The following AP2A2 variants were observed in gnomAD, a reference collection of about 807,000 sequenced individuals.
AP2A2 encodes the protein adaptor related protein complex 2 subunit alpha 2, also known as AP-2 complex subunit alpha-2.
In AP2A2, 32 loss-of-function variants were observed where a neutral mutation model predicts 104.2. The ratio of observed to expected loss-of-function variants is 0.31; its 90% CI spans 0.23 to 0.41. The LOEUF (loss-of-function observed/expected upper bound fraction) is 0.41. Among genes scored for constraint, AP2A2 ranks in the 10% least tolerant of loss-of-function variants. The pLI is 1.00. For synonymous variants in AP2A2, 539 were observed against 533.3 expected (o/e 1.01, Z -0.15); for missense variants, 912 against 1,261.0 (o/e 0.72, Z 4.19).
intron 14 of AP2A2, among the ~76,000 whole-genome samples, chr11:994,765 G>A (rs1215388435): frequency 6.9e-6 from 1 of 144,864 alleles, no homozygotes; most frequent in African/African-American, 2.6e-5. Flanking sequence ...TGTCCCGGGG[G>A]CCACTGTCCC....
rs543887027 is a variant in AP2A2, at chr11:970,665, G to A, written c.279+354G>A. 2.6e-5 allele frequency among the ~76,000 whole-genome samples: 4 copies of A among 152,384 alleles called. 1 individual carries two copies. The highest frequency in any genetic ancestry group is 9.6e-5 in the African/African-American group (4 of 41,598). Reference sequence around the variant, plus strand: ...CCGGTTGGTCTGGAGAGTGCCGCACGCGGCCCAGCGTTTGATGTGGTTGGT... The same window carrying A: ...CCGGTTGGTCTGGAGAGTGCCGCACACGGCCCAGCGTTTGATGTGGTTGGT... On this transcript the variant is annotated intron_variant, in intron 3 of 21. Transcript: ENST00000448903.
chr11:964,387 C>T (rs1419564186), intron 2 of AP2A2, among the ~76,000 whole-genome samples: 1 of 152,172 alleles, frequency 6.6e-6, no homozygotes. Context: ...CTGCGGGGCA[C>T]CAGTCTGTAG....
At chr11:959,599 C>T (rs578071258) in intron 2 of AP2A2, 94 bp downstream of exon 2, 6 of 826,044 alleles carry the variant, frequency 7.3e-6, no homozygotes, top group African/African-American at 1.7e-5. Flanking sequence ...TTCTCCCACA[C>T]TAAAGTGAAG....
At chr11:988,431 G>C (rs961610848) in intron 9 of AP2A2, 121 bp from the exon 10 acceptor site, 15 of 1,288,286 alleles carry the variant, frequency 1.2e-5, no homozygotes, top group Non-Finnish European at 1.5e-5. Context: ...CCTGGACCTG[G>C]ATGTGCATGT....
chr11:934,122 A>C (rs1853376529), intron 1 of AP2A2, among the ~76,000 whole-genome samples: 1 of 151,856 alleles, frequency 6.6e-6, no homozygotes, highest in Non-Finnish European at 1.5e-5. Context: ...TGCCCCATGT[A>C]GCTCCCTCAG....
chr11:950,363 C>T (rs1279489153), intron 1 of AP2A2, among the ~76,000 whole-genome samples: 1 of 146,856 alleles, frequency 6.8e-6, no homozygotes, highest in African/African-American at 2.5e-5. Context: ...GGCTGGAGTG[C>T]AGTGGCGTGA....
intron 1 of AP2A2, among the ~76,000 whole-genome samples, chr11:945,452 G>A (rs1173355305): frequency 1.3e-5 from 2 of 152,160 alleles, no homozygotes; most frequent in Non-Finnish European, 2.9e-5. Flanking sequence ...TCCTGCCTCA[G>A]CCTCTCGAGT....
intron 3 of AP2A2, among the ~76,000 whole-genome samples, chr11:971,527 C>T (rs972601537): frequency 1.3e-5 from 2 of 151,304 alleles, no homozygotes; most frequent in African/African-American, 2.4e-5. Context: ...GTGTCACCTT[C>T]GAGGATGGCT....
At chr11:989,093 G>A (rs566624342) in intron 10 of AP2A2, among the ~76,000 whole-genome samples, 56 of 152,266 alleles carry the variant, frequency 3.7e-4, no homozygotes, top group African/African-American at 1.3e-3. Flanking sequence ...AGGCCAAGGC[G>A]GGCGGATCAC....
At chr11:946,122 CAG>C (rs1380265347) in intron 1 of AP2A2, among the ~76,000 whole-genome samples, 1 of 152,174 alleles carries the variant, frequency 6.6e-6, no homozygotes, top group African/African-American at 2.4e-5. Flanking sequence ...AATCAACTGT[CAG>C]AACGCGAAAT....
At chr11:972,566 G>A (rs1237786889) in intron 4 of AP2A2, among the ~76,000 whole-genome samples, 1 of 152,144 alleles carries the variant, frequency 6.6e-6, no homozygotes, top group Non-Finnish European at 1.5e-5. Context: ...TTGTGGTGGC[G>A]TGCTCCTGTC....
intron 4 of AP2A2, among the ~76,000 whole-genome samples, chr11:975,390 A>G (rs1854988687): frequency 3.8e-5 from 3 of 79,208 alleles, no homozygotes; most frequent in South Asian, 4.3e-4. Flanking sequence ...AGCCGACATT[A>G]GTGAGTAGCA....
intron 1 of AP2A2, among the ~76,000 whole-genome samples, chr11:950,382 C>T (rs184019308): frequency 3.6e-5 from 5 of 140,556 alleles, no homozygotes; most frequent in Admixed American, 2.3e-4. Flanking sequence ...GATCTTGTTT[C>T]ACTGCAATCT....
At chr11:1,000,707 C>T in intron 15 of AP2A2, 109 bp downstream of exon 15, 1 of 1,207,450 alleles carries the variant, frequency 8.3e-7, no homozygotes, top group Non-Finnish European at 1.1e-6. Flanking sequence ...GTTTACCTCC[C>T]AGATTACTGC....
intron 2 of AP2A2, among the ~76,000 whole-genome samples, chr11:963,853 T>C (rs1308574923): frequency 2.0e-5 from 3 of 152,222 alleles, no homozygotes; most frequent in African/African-American, 7.2e-5. Flanking sequence ...TTCAAACTTA[T>C]GGGCTCAAGA....
At position 959,793 on chromosome 11, in the gene AP2A2, G is replaced by A. The variant is rs1854367371; in HGVS notation, c.136+288G>A. Among the ~76,000 whole-genome samples, 3 of 152,138 alleles carry A rather than the reference G, an allele frequency of 2.0e-5. No individual in the cohort carries two copies. The South Asian group carries it at 6.2e-4, about 32-fold the overall frequency. On this transcript the variant is annotated intron_variant, in intron 2 of 21. Transcript: ENST00000448903. ...CAGGCCAGCGTGCTGGGGGTTCAGA[G>A]GACAGACACCAAGTACGGGAAGTGC... is the stretch of plus-strand genomic sequence containing the variant.
In AP2A2 at chr11:964,419, A is replaced by G. The variant is rs543686702; in HGVS notation, c.136+4914A>G. On this transcript the variant is annotated intron_variant, in intron 2 of 21. Transcript: ENST00000448903. The stretch of plus-strand genomic sequence containing the variant: ...GTAGGCTCCATTTTAGATAATAAAA[A>G]TTGGCATATTCTGGGGTGGGCAGGA... Among the ~76,000 whole-genome samples, 4 of 152,276 alleles carry G rather than the reference A, an allele frequency of 2.6e-5. No homozygotes were observed. The South Asian group carries it at 8.3e-4, about 32-fold the overall frequency.
At chr11:926,181 G>A in intron 1 of AP2A2, 93 bp downstream of exon 1, 1 of 914,824 alleles carries the variant, frequency 1.1e-6, no homozygotes, top group Admixed American at 4.7e-5. Flanking sequence ...TCGAGGCGGG[G>A]GTGCAGGCTG....
chr11:953,538 C>T (rs1219351545), intron 1 of AP2A2, among the ~76,000 whole-genome samples: 9 of 115,204 alleles, frequency 7.8e-5, no homozygotes, highest in African/African-American at 1.5e-4. Flanking sequence ...GCTTTTCTAC[C>T]GTAAGAGCCC....
Sources: gnomAD v4.1 joint callset for allele counts (sites outside exome capture counted in the v4.1 genomes callset) on GRCh38, gnomAD v4.1.1 for gene constraint, MANE v1.5 for transcripts, NCBI Gene and HGNC (gene_info 2026-07-23, HGNC 2026-07-21) for gene names.